ATR: variants seen among roughly 807,000 people sequenced by gnomAD.
ATR encodes the protein ATR checkpoint kinase.
Under a neutral mutation model 305.3 loss-of-function variants are expected in ATR, and 142 were observed. The ratio of observed to expected loss-of-function variants is 0.47; its 90% CI spans 0.41 to 0.53. The LOEUF (loss-of-function observed/expected upper bound fraction) is 0.53, where lower values mean the gene tolerates loss of function less well. Ranked by LOEUF, ATR falls within the 20% of genes least tolerant of loss-of-function variation. ATR has a pLI of 0.00. For missense variants in ATR, 2,135 were observed against 3,133.1 expected (o/e 0.68, Z 7.60); for synonymous variants, 1,050 against 1,068.1 (o/e 0.98, Z 0.33).
intron 27 of ATR, among the ~76,000 whole-genome samples, chr3:142,508,901 G>T (rs2032397536): frequency 7.3e-6 from 1 of 137,350 alleles, no homozygotes; most frequent in South Asian, 2.3e-4. Flanking sequence ...TCCAGCCTGG[G>T]TGACAGAGCG....
At chr3:142,486,898 G>C (rs759362247) in intron 35 of ATR, among the ~76,000 whole-genome samples, 46 of 145,966 alleles carry the variant, frequency 3.2e-4, no homozygotes, top group Middle Eastern at 3.7e-3. Context: ...GGCGGATCAC[G>C]AGGTCAGGAG....
At chr3:142,482,989 CTT>C (rs56912666) in intron 36 of ATR, among the ~76,000 whole-genome samples, 1 of 135,682 alleles carries the variant, frequency 7.4e-6, no homozygotes, top group African/African-American at 2.7e-5. Context: ...CCCTTTCTTT[CTT>C]TTTTTTTTTT....
At position 142,540,475 on chromosome 3, in the gene ATR, T is replaced by C. The variant is rs78491570; in HGVS notation, c.3581+429A>G. Among the ~76,000 whole-genome samples the C allele has an allele frequency of 9.5e-3, 1,448 of 152,326 alleles. 28 individuals carry two copies. The highest frequency in any genetic ancestry group is 0.032 in the African/African-American group (1,331 of 41,572). The stretch of plus-strand genomic sequence containing the variant: ...ACTAAGGACTGAGTTTTAGATTAGA[T>C]ATTTCTATTAATCCTGCTAAGTATA... On this transcript the variant is annotated intron_variant, in intron 18 of 46. Coordinates refer to ENST00000350721, the MANE Select transcript of ATR (RefSeq NM_001184.4).
At chr3:142,576,516 G>A (rs1053774078) in intron 1 of ATR, among the ~76,000 whole-genome samples, 3 of 152,152 alleles carry the variant, frequency 2.0e-5, no homozygotes, top group Non-Finnish European at 4.4e-5. Flanking sequence ...TAGATTTCCA[G>A]TTTGGAGAAC....
chr3:142,522,338 G>C (rs1167571743), intron 23 of ATR, among the ~76,000 whole-genome samples: 1 of 152,136 alleles, frequency 6.6e-6, no homozygotes, highest in Non-Finnish European at 1.5e-5. Context: ...AGAGATACTT[G>C]CTTTATTGTG....
intron 40 of ATR, 93 bp from the exon 41 acceptor site, chr3:142,465,333 A>T: frequency 1.0e-6 from 1 of 963,318 alleles, no homozygotes; most frequent in Non-Finnish European, 1.5e-6. Context: ...AAAAAAAAAA[A>T]AGAATATTAC....
chr3:142,498,199 CT>C (rs2031755226), intron 32 of ATR, among the ~76,000 whole-genome samples: 1 of 152,078 alleles, frequency 6.6e-6, no homozygotes, highest in Non-Finnish European at 1.5e-5. Context: ...AATATTCTTT[CT>C]AGTAATGTGA....
At chr3:142,541,180 T>TG in intron 17 of ATR, 146 bp from the exon 18 acceptor site, 1 of 1,084,610 alleles carries the variant, frequency 9.2e-7, no homozygotes, top group Non-Finnish European at 1.4e-6. Context: ...GTTGGCCAGT[T>TG]TGTTTTGTCC....
chr3:142,517,861 T>G (rs1370735244), intron 24 of ATR, among the ~76,000 whole-genome samples: 2 of 152,240 alleles, frequency 1.3e-5, no homozygotes, highest in Non-Finnish European at 2.9e-5. Flanking sequence ...TAGGATTGAA[T>G]AAGCATTTAT....
chr3:142,479,453 A>T (rs190682186), intron 36 of ATR, among the ~76,000 whole-genome samples: 304 of 152,290 alleles, frequency 2.0e-3, no homozygotes, highest in South Asian at 7.9e-3. Context: ...CTGCCGAGAG[A>T]TCAGCTGTTA....
At position 142,561,397 on chromosome 3, in the gene ATR, C is replaced by G; in HGVS notation, c.1195G>C (p.Ala399Pro). Residue 399 changes from alanine (A) to proline (P), a missense_variant, in exon 5 of 47, where the codon GCT becomes CCT. Ala to Pro is a conservative substitution (Grantham distance 27). This residue lies in a region of ATR where 744 missense variants were observed against 873.2 expected (regional missense o/e 0.85). Coordinates refer to ENST00000350721, the MANE Select transcript of ATR (RefSeq NM_001184.4). ...AEYLLGPLYAALKMESMEIIE... is the reference protein window; with the variant it reads ...AEYLLGPLYAPLKMESMEIIE... ...ATTTCCATACTTTCCATTTTCAAAG[C>G]TGCATAAAGTGGGCCCAACAAGTAC... 6.2e-7 allele frequency: 1 copy of G among 1,613,994 alleles called. No individual in the cohort carries two copies. The highest frequency in any genetic ancestry group is 8.5e-7 in the Non-Finnish European group (1 of 1,179,952).
At chr3:142,558,072 A>G (rs929361462) in intron 8 of ATR, among the ~76,000 whole-genome samples, 1 of 152,246 alleles carries the variant, frequency 6.6e-6, no homozygotes, top group African/African-American at 2.4e-5. Flanking sequence ...CAAATGTTTT[A>G]CAAAAAGAAA....
chr3:142,550,362 T>G, intron 13 of ATR, 60 bp from the exon 14 acceptor site: 1 of 1,547,972 alleles, frequency 6.5e-7, no homozygotes, highest in Non-Finnish European at 8.9e-7. Flanking sequence ...TAACTAATAC[T>G]TTTTAAGCCA....
At chr3:142,556,857 C>G (rs902119883) in intron 8 of ATR, among the ~76,000 whole-genome samples, 1 of 152,110 alleles carries the variant, frequency 6.6e-6, no homozygotes, top group Non-Finnish European at 1.5e-5. Flanking sequence ...ATTTAAGATA[C>G]TTAACTCCAT....
Position 142,556,557 on chromosome 3 carries a change from C to T in ATR, c.1904G>A (p.Arg635Gln), listed in dbSNP as rs202162034. The change falls in exon 9 of 47, where the codon CGA (arginine) becomes CAA (glutamine). Residue 635 changes from arginine (R) to glutamine (Q), a missense_variant. This residue lies in a region of ATR where 744 missense variants were observed against 873.2 expected (regional missense o/e 0.85). Transcript: ENST00000350721. Reference sequence around the variant, plus strand: ...AAACAGAGTCAGAAGAAACACACATCGTGATTGTGCCTGTGGTGCTGAAAA... The same window carrying T: ...AAACAGAGTCAGAAGAAACACACATTGTGATTGTGCCTGTGGTGCTGAAAA... ...SDSYSPQAQS[R>Q]CVFLLTLFPR... The T allele has an allele frequency of 5.1e-4, 820 of 1,613,832 alleles. No homozygotes were observed. Among genetic ancestry groups the T allele is most frequent in the Middle Eastern group, 8.2e-4 (5 of 6,084 alleles).
chr3:142,454,365 T>C lies in ATR; in HGVS notation c.7656-1132A>G, dbSNP rs547489696. Among the ~76,000 whole-genome samples, 6 of 152,142 alleles carry C rather than the reference T, an allele frequency of 3.9e-5. No homozygotes were observed. In the South Asian group the frequency reaches 1.2e-3, roughly 32 times the overall value. On this transcript the variant is annotated intron_variant, in intron 45 of 46. Coordinates refer to ENST00000350721, the MANE Select transcript of ATR (RefSeq NM_001184.4). ...GTAACTGTTCCACATGATGATATAC[T>C]TCCTATTTCAGAGAATTTGCTTTTG... is the stretch of plus-strand genomic sequence containing the variant.
rs773847386 is a variant in ATR at position 142,566,144 on chromosome 3, T to G, written c.269A>C (p.His90Pro). 3 of 1,614,194 alleles carry G rather than the reference T, an allele frequency of 1.9e-6. No homozygotes were observed. In the South Asian group the frequency reaches 3.3e-5, roughly 18 times the overall value. The change falls in exon 3 of 47, where the codon CAT (histidine) becomes CCT (proline). Residue 90 changes from histidine to proline, a missense_variant. Physicochemically the swap from His to Pro is moderately conservative, Grantham distance 77. This residue lies in a region of ATR where 744 missense variants were observed against 873.2 expected (regional missense o/e 0.85). Transcript: ENST00000350721. ...ACCAATACAACTGCCTTTGGCCTCATGGCTTCCACTCACATTTACAAACAT... is the reference window on the plus strand; with the variant it reads ...ACCAATACAACTGCCTTTGGCCTCAGGGCTTCCACTCACATTTACAAACAT... ...PLMFVNVSGS[H>P]EAKGSCIEFS...
At chr3:142,450,493 C>T in intron 46 of ATR, 2 of 1,603,148 alleles carry the variant, frequency 1.2e-6, no homozygotes, top group East Asian at 4.5e-5. Flanking sequence ...AGAGAGAGTT[C>T]ATCAGGATCC....
chr3:142,534,642 T>A (rs2033787202), intron 21 of ATR, among the ~76,000 whole-genome samples: 1 of 152,118 alleles, frequency 6.6e-6, no homozygotes, highest in Non-Finnish European at 1.5e-5. Flanking sequence ...AAGAAAAGAA[T>A]AAAGTTCACT....
Sources: allele counts gnomAD v4.1 joint callset (sites outside exome capture counted in the v4.1 genomes callset), GRCh38; gene constraint gnomAD v4.1.1; regional missense constraint gnomAD v4.1.1; transcripts MANE v1.5; gene names NCBI Gene and HGNC (gene_info 2026-07-23, HGNC 2026-07-21).